The following TRIM37 variants were observed in gnomAD, a reference collection of about 807,000 sequenced individuals.
TRIM37 encodes tripartite motif containing 37.
TRIM37 carries 80 observed loss-of-function variants against 129.8 expected under a neutral mutation model. That is an observed-to-expected ratio of 0.62 (90% CI 0.51 to 0.74). The LOEUF (loss-of-function observed/expected upper bound fraction) is 0.74. Among genes scored for constraint, TRIM37 ranks in the 30% least tolerant of loss-of-function variants. TRIM37 has a pLI of 0.00. For missense variants in TRIM37, 1,054 were observed against 1,176.5 expected (o/e 0.90, Z 1.52); for synonymous variants, 389 against 387.1 (o/e 1.00, Z -0.06).
chr17:58,972,349 C>A, the TRIM37 span: 2 of 1,453,608 alleles, frequency 1.4e-6, no homozygotes, highest in South Asian at 1.3e-5. Flanking sequence ...GATTAGGATT[C>A]ACTTACTTTT....
At chr17:58,996,469 CAAAAAAA>C (rs776770215), downstream of TRIM37, among the ~76,000 whole-genome samples, 42 of 79,080 alleles carry the variant, frequency 5.3e-4, no homozygotes, top group African/African-American at 1.8e-3. Context: ...GAACCTGTCT[CAAAAAAA>C]AAAAAAAAAA....
intron 18 of TRIM37, among the ~76,000 whole-genome samples, chr17:59,030,353 C>T (rs564987115): frequency 6.6e-6 from 1 of 152,278 alleles, no homozygotes; most frequent in East Asian, 1.9e-4. Flanking sequence ...GTGATCCACC[C>T]GCCTCAGCCT....
chr17:59,040,727 G>A (rs1031469321), intron 17 of TRIM37, among the ~76,000 whole-genome samples: 3 of 152,136 alleles, frequency 2.0e-5, no homozygotes, highest in African/African-American at 7.2e-5. Flanking sequence ...TAGTATTTAA[G>A]AAATCTTTAG....
Position 59,088,343 on chromosome 17 carries a change from C to A in TRIM37, c.229G>T (p.Asp77Tyr), listed in dbSNP as rs749892892. The change falls in exon 4 of 24, where the codon GAT becomes TAT. Residue 77 changes from aspartate (D) to tyrosine (Y), a missense_variant. This residue lies in a region of TRIM37 where 752 missense variants were observed against 870.8 expected (regional missense o/e 0.86). Coordinates refer to ENST00000262294, the MANE Select transcript of TRIM37 (RefSeq NM_015294.6). ...GTGAGACTGCAGAGTTGAAGAGTAT[C>A]AAGCTGTTGTGTTACTTCTTCTGCC... is the stretch of plus-strand genomic sequence containing the variant. ...RWAEEVTQQL[D>Y]TLQLCSLTKH... 9.3e-6 allele frequency: 15 copies of A among 1,613,676 alleles called. No homozygotes were observed. The African/African-American group carries it at 1.5e-4, about 16-fold the overall frequency.
chr17:58,969,626 AACTTAGTC>A, the TRIM37 span: 1 of 1,613,998 alleles, frequency 6.2e-7, no homozygotes, highest in Non-Finnish European at 8.5e-7. Flanking sequence ...CCTCCACGTT[AACTTAGTC>A]CGCCAGGAGA....
downstream of TRIM37, among the ~76,000 whole-genome samples, chr17:58,996,352 CCCAGCTATTT>C (rs1290237791): frequency 3.3e-5 from 5 of 151,686 alleles, no homozygotes; most frequent in Non-Finnish European, 7.4e-5. Context: ...TGCCTGTAAT[CCCAGCTATTT>C]GGGAGGCTGA....
chr17:59,088,439 T>C, intron 3 of TRIM37, 32 bp from the exon 4 acceptor site: 1 of 1,210,248 alleles, frequency 8.3e-7, no homozygotes, highest in Non-Finnish European at 1.2e-6. Flanking sequence ...ATACACTAAT[T>C]CAGGAATTTG....
At chr17:59,045,595 T>C (rs1195767266) in intron 16 of TRIM37, among the ~76,000 whole-genome samples, 2 of 144,614 alleles carry the variant, frequency 1.4e-5, no homozygotes, top group Admixed American at 7.1e-5. Flanking sequence ...GCCGAGATCA[T>C]GCCACTGCAC....
At chr17:58,993,449 C>T (rs1053493541), downstream of TRIM37, among the ~76,000 whole-genome samples, 1 of 152,208 alleles carries the variant, frequency 6.6e-6, no homozygotes, top group Non-Finnish European at 1.5e-5. Flanking sequence ...CAGTGGACTA[C>T]TACTGCTCAG....
chr17:59,048,302 CCTA>C (rs1223145702), intron 15 of TRIM37, among the ~76,000 whole-genome samples: 1 of 152,168 alleles, frequency 6.6e-6, no homozygotes, highest in Non-Finnish European at 1.5e-5. Flanking sequence ...CATTCCAAAC[CCTA>C]TTATCTCTAG....
Position 59,062,600 on chromosome 17 carries a change from A to C in TRIM37, c.909T>G (p.Val303=). The C allele has an allele frequency of 3.1e-6, 5 of 1,614,078 alleles. No homozygotes were observed. Among genetic ancestry groups the C allele is most frequent in the Non-Finnish European group, 4.2e-6 (5 of 1,179,976 alleles). Residue 303 remains valine, a synonymous_variant, in exon 11 of 24, where the codon GTT becomes GTG. Coordinates refer to ENST00000262294, the MANE Select transcript of TRIM37 (RefSeq NM_015294.6). ...CTTTTAACCTCCAGCAAAGTCCTGA[A>C]ACTTGAAGAGGTGGACTGTAAACAG... is the stretch of plus-strand genomic sequence containing the variant. ...ADPVYSPPLQ[V]SGLCWRLKVY...
At chr17:59,099,144 T>C (rs1487336419) in intron 2 of TRIM37, among the ~76,000 whole-genome samples, 3 of 151,954 alleles carry the variant, frequency 2.0e-5, no homozygotes, top group Non-Finnish European at 2.9e-5. Flanking sequence ...GATCGCACGA[T>C]TGCACTCCAG....
intron 13 of TRIM37, among the ~76,000 whole-genome samples, chr17:59,053,310 C>T (rs899036411): frequency 6.6e-6 from 1 of 152,092 alleles, no homozygotes; most frequent in Non-Finnish European, 1.5e-5. Flanking sequence ...ATACAAAATT[C>T]CACCAGAATC....
chr17:59,082,960 G>A (rs1475014667), intron 5 of TRIM37, among the ~76,000 whole-genome samples: 1 of 151,904 alleles, frequency 6.6e-6, no homozygotes, highest in Non-Finnish European at 1.5e-5. Context: ...AACCAATCTG[G>A]CCTGCCACTC....
chr17:59,091,580 GTATAATATAT>G (rs1478113819), intron 2 of TRIM37, among the ~76,000 whole-genome samples: 2 of 84,742 alleles, frequency 2.4e-5, no homozygotes, highest in African/African-American at 5.2e-5. Flanking sequence ...TATATATAAT[GTATAATATAT>G]TATACATTAT....
At chr17:59,033,411 C>T (rs1415890883) in intron 17 of TRIM37, among the ~76,000 whole-genome samples, 1 of 152,100 alleles carries the variant, frequency 6.6e-6, no homozygotes, top group Non-Finnish European at 1.5e-5. Context: ...TAACAGAAAA[C>T]GATTTCCCCT....
At chr17:59,099,495 G>A (rs555926033) in intron 2 of TRIM37, among the ~76,000 whole-genome samples, 3 of 151,866 alleles carry the variant, frequency 2.0e-5, no homozygotes, top group Non-Finnish European at 2.9e-5. Context: ...TAAAGACACC[G>A]AACTGTACCC....
At chr17:59,019,334 G>A (rs913997125) in intron 19 of TRIM37, among the ~76,000 whole-genome samples, 1 of 152,172 alleles carries the variant, frequency 6.6e-6, no homozygotes, top group African/African-American at 2.4e-5. Flanking sequence ...AGGAATATAT[G>A]CCACAACATG....
chr17:58,972,715 G>A, the TRIM37 span: 1 of 917,538 alleles, frequency 1.1e-6, no homozygotes, highest in Non-Finnish European at 1.7e-6. Flanking sequence ...CTCCAATGGA[G>A]AAACAAAGAG....
Sources: gnomAD v4.1 joint callset for allele counts (sites outside exome capture counted in the v4.1 genomes callset) on GRCh38, gnomAD v4.1.1 for gene constraint, gnomAD v4.1.1 regional missense constraint, MANE v1.5 for transcripts, NCBI Gene and HGNC (gene_info 2026-07-23, HGNC 2026-07-21) for gene names.